LAMA1: variants seen among roughly 807,000 people sequenced by gnomAD.
The protein encoded by LAMA1 is laminin subunit alpha 1.
Under a neutral mutation model 348.7 loss-of-function variants are expected in LAMA1, and 219 were observed. The ratio of observed to expected loss-of-function variants is 0.63; its 90% confidence interval spans 0.56 to 0.70. LAMA1 has a LOEUF of 0.70. Among genes scored for constraint, LAMA1 ranks in the 30% least tolerant of loss-of-function variants. The pLI is 0.00. For missense variants in LAMA1, 3,744 were observed against 3,888.0 expected (o/e 0.96, Z 0.99); for synonymous variants, 1,487 against 1,491.0 (o/e 1.00, Z 0.06).
At chr18:6,956,802 T>C (rs2057581067) in intron 55 of LAMA1, 37 bp from the exon 56 acceptor site, 1 of 1,612,732 alleles carries the variant, frequency 6.2e-7, no homozygotes, top group African/African-American at 1.3e-5. Flanking sequence ...AAAATTAGGA[T>C]ATCACAAACC....
chr18:7,044,862 C>T lies in LAMA1; in HGVS notation c.859-23G>A, dbSNP rs764451076. 2.0e-5 allele frequency: 31 copies of T among 1,528,964 alleles called. No individual in the cohort carries two copies. In the East Asian group the frequency reaches 6.1e-4, roughly 30 times the overall value. 94.7% of individuals were successfully genotyped at this position (1,528,964 alleles called of 1,614,324 possible). ...TTTCTACACAATAAGGAAGCCAAAACTGAATTAGAAAATGTATCTGCTTAT... is the reference window on the plus strand; with the variant it reads ...TTTCTACACAATAAGGAAGCCAAAATTGAATTAGAAAATGTATCTGCTTAT... On this transcript the variant is annotated intron_variant, in intron 6 of 62. Coordinates refer to ENST00000389658, the MANE Select transcript of LAMA1 (RefSeq NM_005559.4).
chr18:7,057,466 CTTTTCTTTTTTTTTT>C (rs2058086335), intron 3 of LAMA1, among the ~76,000 whole-genome samples: 1 of 125,580 alleles, frequency 8.0e-6, no homozygotes, highest in Non-Finnish European at 1.6e-5. Context: ...CTTTTCTTTT[CTTTTCTTTTTTTTTT>C]TTTTTTTTTT....
intron 51 of LAMA1, 74 bp from the exon 52 acceptor site, chr18:6,962,133 G>A: frequency 9.7e-7 from 1 of 1,033,068 alleles, no homozygotes; most frequent in Non-Finnish European, 1.5e-6. Context: ...GGAATACAAA[G>A]CCACTGGGCA....
At chr18:7,019,222 A>C (rs2144132140) in intron 19 of LAMA1, among the ~76,000 whole-genome samples, 1 of 152,048 alleles carries the variant, frequency 6.6e-6, no homozygotes, top group Non-Finnish European at 1.5e-5. Context: ...CCAGGCACCA[A>C]ATTCAGGGAG....
chr18:7,038,988 T>C, intron 10 of LAMA1, 38 bp from the exon 11 acceptor site: 1 of 1,548,342 alleles, frequency 6.5e-7, no homozygotes, highest in Non-Finnish European at 8.9e-7. Flanking sequence ...TTGAAACCAA[T>C]GTGTCTGTCC....
At chr18:7,112,295 C>A (rs2058338822) in intron 1 of LAMA1, among the ~76,000 whole-genome samples, 1 of 152,036 alleles carries the variant, frequency 6.6e-6, no homozygotes, top group Non-Finnish European at 1.5e-5. Flanking sequence ...GTGTTAATAT[C>A]CAGCACAAGG....
At chr18:7,084,681 C>T (rs918626128) in intron 1 of LAMA1, among the ~76,000 whole-genome samples, 15 of 152,140 alleles carry the variant, frequency 9.9e-5, no homozygotes, top group African/African-American at 3.4e-4. Context: ...CCTTTCTGTA[C>T]ACTTGGCCTT....
In LAMA1 at chr18:7,044,747, G is replaced by A. The variant is rs1353584677; in HGVS notation, c.951C>T (p.Thr317=). The change falls in exon 7 of 63, where the codon ACC becomes ACT. Residue 317 remains threonine (T), a synonymous_variant. Transcript: ENST00000389658. ...GYHQQPWRPG[T]VSSGNTCEAC... is the part of the protein sequence containing the mutation. ...CTTCACATGTATTGCCGGAGGACAC[G>A]GTTCCCGGCCTCCAGGGCTGCTGAT... The A allele has an allele frequency of 5.6e-6, 9 of 1,614,124 alleles. No individual in the cohort carries two copies. The highest frequency in any genetic ancestry group is 2.2e-5 in the East Asian group (1 of 44,876).
At position 7,012,054 on chromosome 18, in the gene LAMA1, A is replaced by T; in HGVS notation, c.3448T>A (p.Cys1150Ser). 4 of 1,612,276 alleles carry T rather than the reference A, an allele frequency of 2.5e-6. No homozygotes were observed. The highest frequency in any genetic ancestry group is 3.4e-6 in the Non-Finnish European group (4 of 1,179,150). ...RADNPLGCSPCFCSGLSHLCS... is the reference protein window; with the variant it reads ...RADNPLGCSPSFCSGLSHLCS... ...AGGTGGGACAGCCCGGAGCAGAAGCACGGGCTGCAGCCCAGGGGGTTGTCT... is the reference window on the plus strand; with the variant it reads ...AGGTGGGACAGCCCGGAGCAGAAGCTCGGGCTGCAGCCCAGGGGGTTGTCT... Residue 1150 changes from cysteine to serine, a missense_variant, in exon 24 of 63, where the codon TGC becomes AGC. Transcript: ENST00000389658.
chr18:7,079,857 A>G, intron 3 of LAMA1, 118 bp downstream of exon 3: 2 of 775,114 alleles, frequency 2.6e-6, no homozygotes, highest in South Asian at 2.9e-5. Context: ...CACCTGGTGG[A>G]AATAGTGAGA....
chr18:7,085,512 G>A (rs759002282), intron 1 of LAMA1, among the ~76,000 whole-genome samples: 36 of 145,488 alleles, frequency 2.5e-4, no homozygotes, highest in Non-Finnish European at 4.6e-4. Flanking sequence ...TCCACCTCCC[G>A]GGTTCATGCC....
Position 7,080,393 on chromosome 18 carries a change from G to C in LAMA1, c.126C>G (p.Gly42=). 1 of 1,614,226 alleles carries C rather than the reference G, an allele frequency of 6.2e-7. No individual in the cohort carries two copies. Among genetic ancestry groups the C allele is most frequent in the South Asian group, 1.1e-5 (1 of 91,086 alleles). Residue 42 remains glycine (G), a synonymous_variant, in exon 2 of 63, where the codon GGC becomes GGG. Coordinates refer to ENST00000389658, the MANE Select transcript of LAMA1 (RefSeq NM_005559.4). The part of the protein sequence containing the change: ...NAHISTNATC[G]EKGPEMFCKL... Reference sequence around the variant, plus strand: ...TGCAGAACATCTCCGGCCCCTTCTCGCCACAGGTGGCATTGGTGCTGATGT... The same window carrying C: ...TGCAGAACATCTCCGGCCCCTTCTCCCCACAGGTGGCATTGGTGCTGATGT...
intron 1 of LAMA1, among the ~76,000 whole-genome samples, chr18:7,098,824 G>A (rs1296858985): frequency 7.5e-5 from 7 of 93,420 alleles, no homozygotes; most frequent in East Asian, 2.9e-4. Flanking sequence ...CCCGGCCACC[G>A]CCCCGTCCGG....
intron 48 of LAMA1, among the ~76,000 whole-genome samples, chr18:6,967,798 G>A (rs1225965515): frequency 2.6e-5 from 4 of 152,028 alleles, no homozygotes; most frequent in East Asian, 1.9e-4. Flanking sequence ...TCCAGAGCCC[G>A]TGAGCCCTCC....
At chr18:6,960,454 A>G (rs1255261122) in intron 53 of LAMA1, 1 of 152,176 alleles carries the variant, frequency 6.6e-6, no homozygotes, top group Non-Finnish European at 1.5e-5. Context: ...TATCCAGAAT[A>G]GTAAATCCAT....
chr18:7,037,696 G>C lies in LAMA1; in HGVS notation c.1619C>G (p.Pro540Arg). 6.2e-7 allele frequency: 1 copy of C among 1,614,168 alleles called. No homozygotes were observed. The highest frequency in any genetic ancestry group is 1.1e-5 in the South Asian group (1 of 91,078). Residue 540 changes from proline (P) to arginine (R), a missense_variant, in exon 12 of 63, where the codon CCG becomes CGG. By Grantham distance (103) the Pro-to-Arg change is moderately radical. Transcript: ENST00000389658. ...VTDLISPRKI[P>R]SQQDALGGRH... ...CCCGCCTAGTGCATCTTGCTGAGAC[G>C]GGATCTTCCTGGGACTGATCAAGTC...
chr18:7,023,277 C>T lies in LAMA1; in HGVS notation c.2588G>A (p.Cys863Tyr). 4 of 1,614,178 alleles carry T rather than the reference C, an allele frequency of 2.5e-6. No individual in the cohort carries two copies. The highest frequency in any genetic ancestry group is 3.4e-6 in the Non-Finnish European group (4 of 1,180,042). The change falls in exon 19 of 63, where the codon TGT becomes TAT. Residue 863 changes from cysteine to tyrosine, a missense_variant. Cys to Tyr is a radical substitution (Grantham distance 194). Around this residue, in one of 3 missense-constraint regions of LAMA1, gnomAD observed 1,529 missense variants for 1,689.4 expected, o/e 0.91. Transcript: ENST00000389658. ...CAGGCACTCCCCGGTGACTGAGTCA[C>T]AGTGACCAGCCTCCGAGGGGTCCAC... is the stretch of plus-strand genomic sequence containing the variant. ...GNVDPSEAGH[C>Y]DSVTGECLKC...
intron 3 of LAMA1, among the ~76,000 whole-genome samples, chr18:7,061,226 C>G (rs900757125): frequency 6.6e-6 from 1 of 152,182 alleles, no homozygotes; most frequent in Non-Finnish European, 1.5e-5. Flanking sequence ...AGGTTGTCTT[C>G]CCTTCCTAGT....
At chr18:7,026,133 CTCAGG>C in intron 16 of LAMA1, 27 bp from the exon 17 acceptor site, 1 of 1,607,072 alleles carries the variant, frequency 6.2e-7, no homozygotes, top group Non-Finnish European at 8.5e-7. Context: ...GAAGAATCAG[CTCAGG>C]TTGTCTTAAA....
Sources: allele counts gnomAD v4.1 joint callset (sites outside exome capture counted in the v4.1 genomes callset), GRCh38; gene constraint gnomAD v4.1.1; regional missense constraint gnomAD v4.1.1; transcripts MANE v1.5; gene names NCBI Gene and HGNC (gene_info 2026-07-23, HGNC 2026-07-21).